The following PDE4D variants were observed in gnomAD, a reference collection of about 807,000 sequenced individuals.
PDE4D encodes the protein phosphodiesterase 4D, also known as 3',5'-cyclic-AMP phosphodiesterase 4D.
A neutral mutation model predicts 87.4 loss-of-function variants in PDE4D; 24 were observed. The ratio of observed to expected loss-of-function variants is 0.27; its 90% CI spans 0.20 to 0.39. The LOEUF (loss-of-function observed/expected upper bound fraction) is 0.39. Among genes scored for constraint, PDE4D ranks in the 10% least tolerant of loss-of-function variants. The pLI is 1.00. For missense variants in PDE4D, 714 were observed against 1,041.0 expected, an observed-to-expected ratio of 0.69 and a Z score of 4.32; for synonymous variants, 384 against 383.2, an observed-to-expected ratio of 1.00 and a Z score of -0.02.
chr5:59,911,562 G>A (rs778844726), intron 3 of PDE4D, among the ~76,000 whole-genome samples: 8 of 152,276 alleles, frequency 5.3e-5, no homozygotes, highest in East Asian at 1.9e-4. Context: ...CAGGCTCTGC[G>A]TGAATTAAAC....
At chr5:60,303,586 C>T (rs2149797244) in intron 1 of PDE4D, among the ~76,000 whole-genome samples, 1 of 152,250 alleles carries the variant, frequency 6.6e-6, no homozygotes, top group Non-Finnish European at 1.5e-5. Context: ...GGATTACAGG[C>T]GTGAGCCACC....
chr5:59,152,929 GTTC>G (rs1309362087), intron 5 of PDE4D, among the ~76,000 whole-genome samples: 1 of 152,080 alleles, frequency 6.6e-6, no homozygotes, highest in East Asian at 1.9e-4. Context: ...CTGTGGAGTT[GTTC>G]TTCTCCTCTC....
At position 59,715,136 on chromosome 5, in the gene PDE4D, C is replaced by T. The variant is rs535840982; in HGVS notation, c.455+178032G>A. 4.6e-5 allele frequency among the ~76,000 whole-genome samples: 7 copies of T among 152,130 alleles called. No homozygotes were observed. In the South Asian group the frequency reaches 6.2e-4, roughly 14 times the overall value. On this transcript the variant is annotated intron_variant, in intron 1 of 14. Coordinates refer to ENST00000340635, the MANE Select transcript of PDE4D (RefSeq NM_001104631.2). ...GGACAGGCTACAGTTGTCGTGTAGA[C>T]GAGTTACCTGATAGCAGGATGGATG...
chr5:59,259,330 T>C (rs1190740156), intron 1 of PDE4D, among the ~76,000 whole-genome samples: 2 of 151,866 alleles, frequency 1.3e-5, no homozygotes, highest in African/African-American at 4.8e-5. Context: ...CAAATTCATT[T>C]GACTTCAGAA....
At position 59,023,467 on chromosome 5, in the gene PDE4D, CAAA is replaced by C. The variant is rs3060391; in HGVS notation, c.921+15389_921+15391del. 8.8e-4 allele frequency among the ~76,000 whole-genome samples: 113 copies of C among 128,610 alleles called. 1 individual carries two copies. The highest frequency in any genetic ancestry group is 4.0e-3 in the Middle Eastern group (1 of 252). 84.4% of individuals were successfully genotyped at this position (128,610 alleles called of 152,430 possible). A position where few individuals can be genotyped will look rare whatever the true frequency, so the allele number is the denominator to read the frequency against. ...GTAACATAGTGAGACCCTGTCTCTA[CAAA>C]AAAAAAAAAAAAAAGTTAAATTAAA... On this transcript the variant is annotated intron_variant, in intron 6 of 14. Transcript: ENST00000340635.
At chr5:58,987,029 T>G (rs1195988013) in intron 11 of PDE4D, among the ~76,000 whole-genome samples, 4 of 152,032 alleles carry the variant, frequency 2.6e-5, no homozygotes, top group African/African-American at 7.2e-5. Context: ...TACTAAAAAT[T>G]GATAAAATTC....
At chr5:60,359,875 C>G (rs1759915246) in intron 1 of PDE4D, among the ~76,000 whole-genome samples, 1 of 152,178 alleles carries the variant, frequency 6.6e-6, no homozygotes. Flanking sequence ...GTTTCTAGTG[C>G]CATATTTTCT....
At chr5:59,797,142 A>C (rs1374200484) in intron 1 of PDE4D, 1 of 152,094 alleles carries the variant, frequency 6.6e-6, no homozygotes, top group African/African-American at 2.4e-5. Flanking sequence ...TCTAAAAAAA[A>C]AAAAAAAAAA....
rs866855226 is a variant in PDE4D, at chr5:59,137,907, T to A, written c.808+42688A>T. On this transcript the variant is annotated intron_variant, in intron 5 of 14. Transcript: ENST00000340635. The stretch of plus-strand genomic sequence containing the variant: ...AAAAATGTATCAGTAATTTATATGC[T>A]TCTGACACTTTCTATGTGACTCAGA... Among the ~76,000 whole-genome samples, 23 of 152,372 alleles carry A rather than the reference T, an allele frequency of 1.5e-4. No individual in the cohort carries two copies. The South Asian group carries it at 4.8e-3, about 32-fold the overall frequency.
At chr5:59,906,968 T>A (rs1168022310) in intron 3 of PDE4D, among the ~76,000 whole-genome samples, 4 of 152,188 alleles carry the variant, frequency 2.6e-5, no homozygotes, top group East Asian at 1.9e-4. Flanking sequence ...AGCAAAGAGA[T>A]GGAATTAACC....
At chr5:59,765,002 T>C (rs2150806339) in intron 1 of PDE4D, among the ~76,000 whole-genome samples, 1 of 152,252 alleles carries the variant, frequency 6.6e-6, no homozygotes, top group African/African-American at 2.4e-5. Flanking sequence ...AAATATTGAT[T>C]AATGAATTTG....
Position 59,411,842 on chromosome 5 carries a change from G to A in PDE4D, c.456-195874C>T, listed in dbSNP as rs757287750. ...CATTTTAAAAAATTCTTAACACTAC[G>A]CCAAATGTATTGCAAGTATTCTCTA... is the stretch of plus-strand genomic sequence containing the variant. On this transcript the variant is annotated intron_variant, in intron 1 of 14. Coordinates refer to ENST00000340635, the MANE Select transcript of PDE4D (RefSeq NM_001104631.2). Among the ~76,000 whole-genome samples, 22 of 152,224 alleles carry A rather than the reference G, an allele frequency of 1.4e-4. 1 individual carries two copies. Among genetic ancestry groups the A allele is most frequent in the Admixed American group, 9.8e-4 (15 of 15,298 alleles).
intron 1 of PDE4D, among the ~76,000 whole-genome samples, chr5:60,252,312 A>G (rs767382342): frequency 1.2e-4 from 18 of 151,836 alleles, no homozygotes; most frequent in Non-Finnish European, 1.9e-4. Flanking sequence ...ATATATATTT[A>G]TCATTTATGG....
chr5:59,388,202 A>G (rs1480037321), intron 1 of PDE4D, among the ~76,000 whole-genome samples: 1 of 152,114 alleles, frequency 6.6e-6, no homozygotes, highest in Non-Finnish European at 1.5e-5. Context: ...AAGGATCTAA[A>G]CAGATGTTTC....
intron 1 of PDE4D, among the ~76,000 whole-genome samples, chr5:60,334,018 T>A (rs1757531248): frequency 6.6e-6 from 1 of 152,190 alleles, no homozygotes; most frequent in Admixed American, 6.5e-5. Flanking sequence ...CAATCACTGA[T>A]TCATTCTCAC....
At chr5:60,341,920 C>T (rs1334780149) in intron 1 of PDE4D, among the ~76,000 whole-genome samples, 3 of 152,180 alleles carry the variant, frequency 2.0e-5, no homozygotes, top group South Asian at 2.1e-4. Context: ...GAGCAATAAG[C>T]AATCCACTCA....
intron 1 of PDE4D, among the ~76,000 whole-genome samples, chr5:59,229,967 T>G (rs1754792255): frequency 6.6e-6 from 1 of 151,978 alleles, no homozygotes; most frequent in African/African-American, 2.4e-5. Context: ...CCTGGCTAAT[T>G]TTGTATTTGG....
At chr5:59,823,424 G>A (rs1156239403) in intron 1 of PDE4D, among the ~76,000 whole-genome samples, 1 of 152,088 alleles carries the variant, frequency 6.6e-6, no homozygotes, top group Non-Finnish European at 1.5e-5. Flanking sequence ...ATGCAAGAAT[G>A]GAGGGAAGGA....
At chr5:59,650,744 A>C (rs1743318335) in intron 1 of PDE4D, among the ~76,000 whole-genome samples, 1 of 152,212 alleles carries the variant, frequency 6.6e-6, no homozygotes, top group Non-Finnish European at 1.5e-5. Flanking sequence ...CTTAATAAGT[A>C]AGGTCATTCT....
Sources: gnomAD v4.1 joint callset for allele counts (sites outside exome capture counted in the v4.1 genomes callset) on GRCh38, gnomAD v4.1.1 for gene constraint, MANE v1.5 for transcripts, NCBI Gene and HGNC (gene_info 2026-07-23, HGNC 2026-07-21) for gene names.